The following EMC3 variants were observed in gnomAD, a reference collection of about 807,000 sequenced individuals.
EMC3 encodes the protein ER membrane protein complex subunit 3, also known as 30 kDa protein.
Under a neutral mutation model 36.6 loss-of-function variants are expected in EMC3, and 13 were observed. That is an observed-to-expected ratio of 0.35 (90% confidence interval 0.23 to 0.56). EMC3 has a LOEUF of 0.56. Among genes scored for constraint, EMC3 ranks in the 20% least tolerant of loss-of-function variants. EMC3 has a pLI of 0.84. For missense variants in EMC3, 220 were observed against 324.5 expected (o/e 0.68, Z 2.47); for synonymous variants, 120 against 111.9 (o/e 1.07, Z -0.46).
At chr3:10,007,089 C>T (rs553064637) in intron 1 of EMC3, 17 of 308,958 alleles carry the variant, frequency 5.5e-5, no homozygotes, top group Non-Finnish European at 1.1e-4. Flanking sequence ...GCTGTGCACA[C>T]CCTAGTTTAG....
At chr3:9,981,803 G>T (rs1234892105) in intron 1 of EMC3, 2 of 415,810 alleles carry the variant, frequency 4.8e-6, no homozygotes, top group Non-Finnish European at 4.7e-6. Flanking sequence ...AAATTCTTAA[G>T]AATCAGTGTT....
At chr3:9,966,023 A>G (rs1366274420) in intron 7 of EMC3, among the ~76,000 whole-genome samples, 1 of 152,134 alleles carries the variant, frequency 6.6e-6, no homozygotes, top group Non-Finnish European at 1.5e-5. Context: ...TCTCTTGAGT[A>G]TTTACTTAAG....
chr3:9,998,934 T>C (rs2086163945), intron 1 of EMC3, among the ~76,000 whole-genome samples: 2 of 152,104 alleles, frequency 1.3e-5, no homozygotes, highest in Admixed American at 1.3e-4. Context: ...TTTTTTGCAA[T>C]TTTGGTAGAC....
intron 5 of EMC3, among the ~76,000 whole-genome samples, chr3:9,971,104 T>G (rs13076704): frequency 0.23 from 34,214 of 151,818 alleles, 4,480 homozygotes; most frequent in African/African-American, 0.36. Flanking sequence ...TATATTTTTA[T>G]TAGAGATGGG....
chr3:9,972,462 GAAA>G (rs34891720), intron 5 of EMC3, among the ~76,000 whole-genome samples: 31,415 of 90,664 alleles, frequency 0.35, 4,020 homozygotes, highest in African/African-American at 0.47. Flanking sequence ...GAGTTTCAAT[GAAA>G]AAAAAAAAAA....
At chr3:9,970,969 C>T (rs774187314) in intron 5 of EMC3, among the ~76,000 whole-genome samples, 1 of 151,740 alleles carries the variant, frequency 6.6e-6, no homozygotes, top group Non-Finnish European at 1.5e-5. Context: ...GTTACCCAGG[C>T]TGGAGTGCAG....
intron 1 of EMC3, among the ~76,000 whole-genome samples, chr3:9,980,525 C>G (rs2085899068): frequency 6.6e-6 from 1 of 150,976 alleles, no homozygotes; most frequent in African/African-American, 2.4e-5. Flanking sequence ...ACCATGACAC[C>G]TGGCAAACTT....
At chr3:9,991,698 C>T (rs1219724469), upstream of EMC3, among the ~76,000 whole-genome samples, 1 of 152,146 alleles carries the variant, frequency 6.6e-6, no homozygotes, top group Non-Finnish European at 1.5e-5. Flanking sequence ...CTTTTGCAGG[C>T]TGCTGTTTTT....
chr3:10,006,790 T>A, intron 1 of EMC3: 1 of 398,934 alleles, frequency 2.5e-6, no homozygotes, highest in South Asian at 1.8e-5. Context: ...CCATGTCAAA[T>A]GTCTCTCTGC....
chr3:10,002,926 G>A (rs1040809779), intron 1 of EMC3: 6 of 450,092 alleles, frequency 1.3e-5, no homozygotes, highest in African/African-American at 4.1e-5. Flanking sequence ...CTGTAGCAGT[G>A]GTGGAGTCCC....
At chr3:9,971,700 A>G (rs1212660863) in intron 5 of EMC3, among the ~76,000 whole-genome samples, 2 of 152,206 alleles carry the variant, frequency 1.3e-5, no homozygotes, top group Non-Finnish European at 2.9e-5. Context: ...TAAAAGTAGA[A>G]TAGACTCATG....
chr3:9,977,418 T>C lies in EMC3; in HGVS notation c.184A>G (p.Arg62Gly). 1 of 1,612,740 alleles carries C rather than the reference T, an allele frequency of 6.2e-7. No homozygotes were observed. The highest frequency in any genetic ancestry group is 8.5e-7 in the Non-Finnish European group (1 of 1,179,662). ...SQVLIRSRVL[R>G]ENGKYIPKQS... ...TTGGGAATGTATTTTCCATTTTCCCTGAGGACTCTGCTTCGAATTAGGACT... is the reference window on the plus strand; with the variant it reads ...TTGGGAATGTATTTTCCATTTTCCCCGAGGACTCTGCTTCGAATTAGGACT... Residue 62 changes from arginine to glycine, a missense_variant, in exon 2 of 8, where the codon AGG becomes GGG. Physicochemically the swap from Arg to Gly is moderately radical, Grantham distance 125. This residue lies in a region of EMC3 where 127 missense variants were observed against 174.6 expected (regional missense o/e 0.73). Coordinates refer to ENST00000245046, the MANE Select transcript of EMC3 (RefSeq NM_001394674.1).
chr3:9,992,777 A>G, intron 1 of EMC3: 1 of 775,600 alleles, frequency 1.3e-6, no homozygotes, highest in Non-Finnish European at 2.1e-6. Context: ...ACAAATGAGC[A>G]TCATCCATTG....
intron 1 of EMC3, chr3:10,002,632 A>G (rs1317334959): frequency 2.7e-6 from 1 of 374,012 alleles, no homozygotes. Context: ...CTCCCCCTCC[A>G]CCCAGAGCAA....
At chr3:9,985,758 G>A (rs913489044) in intron 1 of EMC3, among the ~76,000 whole-genome samples, 4 of 152,062 alleles carry the variant, frequency 2.6e-5, no homozygotes, top group Non-Finnish European at 4.4e-5. Context: ...GTCAGGTGTG[G>A]TGGTGCGGGC....
intron 1 of EMC3, chr3:10,005,019 C>T (rs2272120): frequency 0.35 from 53,066 of 152,028 alleles, 12,113 homozygotes; most frequent in African/African-American, 0.65. Context: ...AGTTCATAGA[C>T]ACCATCTGAT....
At chr3:9,985,727 CT>C (rs1256022412) in intron 1 of EMC3, among the ~76,000 whole-genome samples, 12 of 152,072 alleles carry the variant, frequency 7.9e-5, no homozygotes, top group Admixed American at 7.2e-4. Flanking sequence ...AACCCTGTCT[CT>C]ACTAAAAATA....
chr3:9,990,364 T>C (rs1189215910), upstream of EMC3, among the ~76,000 whole-genome samples: 1 of 140,562 alleles, frequency 7.1e-6, no homozygotes, highest in Non-Finnish European at 1.5e-5. Flanking sequence ...AGACTAAGTC[T>C]TGCTCTGTCA....
At chr3:9,970,266 T>A (rs1170658109) in intron 6 of EMC3, among the ~76,000 whole-genome samples, 1 of 152,198 alleles carries the variant, frequency 6.6e-6, no homozygotes, top group Non-Finnish European at 1.5e-5. Flanking sequence ...AGGGCTCTAG[T>A]CAATGAACTG....
Sources: gnomAD v4.1 joint callset for allele counts (sites outside exome capture counted in the v4.1 genomes callset) on GRCh38, gnomAD v4.1.1 for gene constraint, gnomAD v4.1.1 regional missense constraint, MANE v1.5 for transcripts, NCBI Gene and HGNC (gene_info 2026-07-23, HGNC 2026-07-21) for gene names.